The following CELF5 variants were observed in gnomAD, a reference collection of about 807,000 sequenced individuals.
CELF5 encodes CUGBP Elav-like family member 5, also known as CUG-BP and ETR-3 like factor 5.
A neutral mutation model predicts 54.9 loss-of-function variants in CELF5; 6 were observed. The observed-to-expected ratio is 0.11, with a 90% CI of 0.06 to 0.22. The LOEUF (loss-of-function observed/expected upper bound fraction) is 0.22. Among genes scored for constraint, CELF5 ranks in the 10% least tolerant of loss-of-function variants. The pLI is 1.00. For missense variants in CELF5, 401 were observed against 678.6 expected (o/e 0.59, Z 4.54); for synonymous variants, 271 against 290.9 (o/e 0.93, Z 0.70).
In CELF5 at chr19:3,282,602, A is replaced by G. The variant is rs2080171787; in HGVS notation, c.1039+104A>G. On this transcript the variant is annotated intron_variant, in intron 8 of 12. Transcript: ENST00000292672. This position sits in a 1 kb window ranked among gnomAD's most constrained non-coding sequence, Gnocchi z 5.2. ...TACATCACAGTGCCCAGGGAACAGAAGGGCAGGAAAAAGGGTGTCTCCGCT... is the reference window on the plus strand; with the variant it reads ...TACATCACAGTGCCCAGGGAACAGAGGGGCAGGAAAAAGGGTGTCTCCGCT... 1.5e-6 allele frequency: 2 copies of G among 1,344,584 alleles called. No homozygotes were observed. Among genetic ancestry groups the G allele is most frequent in the Non-Finnish European group, 1.0e-6 (1 of 990,216 alleles). The allele number at this position is 1,344,584 out of a possible 1,614,324, so 83.3% of individuals were successfully genotyped here. A position where few individuals can be genotyped will look rare whatever the true frequency, so the allele number is the denominator to read the frequency against.
intron 2 of CELF5, among the ~76,000 whole-genome samples, chr19:3,258,451 G>A (rs2079762260): frequency 6.6e-6 from 1 of 151,712 alleles, no homozygotes; most frequent in Non-Finnish European, 1.5e-5. Context: ...TTTTCTCTTA[G>A]AAGGACACTT....
At chr19:3,290,605 C>T (rs530559950) in intron 11 of CELF5, among the ~76,000 whole-genome samples, 1 of 149,032 alleles carries the variant, frequency 6.7e-6, no homozygotes, top group African/African-American at 2.5e-5. Context: ...GCTCTGTCGC[C>T]CAGGCTGGAG....
chr19:3,264,501 G>T (rs1212328178), intron 2 of CELF5, among the ~76,000 whole-genome samples: 4 of 146,080 alleles, frequency 2.7e-5, no homozygotes, highest in African/African-American at 7.7e-5. Flanking sequence ...CTGCAAGCTT[G>T]GCCTCCCGGG....
chr19:3,289,698 A>C (rs2080311352), intron 10 of CELF5, among the ~76,000 whole-genome samples: 7 of 121,652 alleles, frequency 5.8e-5, no homozygotes, highest in Admixed American at 5.6e-4. Flanking sequence ...AAAAAAAAAA[A>C]AAAAAAAAAA....
intron 1 of CELF5, among the ~76,000 whole-genome samples, chr19:3,249,754 C>T (rs2079622402): frequency 6.6e-6 from 1 of 152,246 alleles, no homozygotes; most frequent in Non-Finnish European, 1.5e-5. Flanking sequence ...TCCCCTCTCC[C>T]TCTGATAGGG....
chr19:3,244,448 CTG>C (rs1445746876), intron 1 of CELF5, among the ~76,000 whole-genome samples: 4 of 124,738 alleles, frequency 3.2e-5, no homozygotes, highest in Non-Finnish European at 6.8e-5. Flanking sequence ...GCATGCATCT[CTG>C]TGTGTAGTGT....
rs769588990 is a variant in CELF5, at chr19:3,224,778, G to A, written c.39G>A (p.Gln13=). 9 of 1,471,694 alleles carry A rather than the reference G, an allele frequency of 6.1e-6. No individual in the cohort carries two copies. In the South Asian group the frequency reaches 7.9e-5, roughly 13 times the overall value. 91.2% of individuals were successfully genotyped at this position (1,471,694 alleles called of 1,614,324 possible). The change falls in exon 1 of 13, where the codon CAG becomes CAA. Residue 13 remains glutamine, a synonymous_variant. Transcript: ENST00000292672. ...CGGAGAGCGAGGCGCGCCGGCAGCA[G>A]CAGCAGCTCCTGCAGCCGCGGCCCT... ...RLTESEARRQ[Q]QQLLQPRPSP...
Position 3,286,374 on chromosome 19 carries a change from C to G in CELF5, c.1186+349C>G, listed in dbSNP as rs540291491. The G allele has an allele frequency of 1.4e-5, 4 of 277,354 alleles. No individual in the cohort carries two copies. In the Admixed American group the frequency reaches 1.6e-4, roughly 11 times the overall value. The allele number at this position is 277,354 out of a possible 1,614,324, so 17.2% of individuals were successfully genotyped here. A position where few individuals can be genotyped will look rare whatever the true frequency, so the allele number is the denominator to read the frequency against. On this transcript the variant is annotated intron_variant, in intron 10 of 12. Coordinates refer to ENST00000292672, the MANE Select transcript of CELF5 (RefSeq NM_021938.4). ...TGAGGTATCAGGTAATGAGGCCTCC[C>G]CAGTAAAGCCAAGGCTGTCGAAGGA...
intron 5 of CELF5, among the ~76,000 whole-genome samples, chr19:3,280,414 T>TA (rs571919304): frequency 0.026 from 3,725 of 144,886 alleles, 148 homozygotes; most frequent in African/African-American, 0.087. Flanking sequence ...CTACTAAAAA[T>TA]AAAAAAAAAA....
At chr19:3,250,557 C>T (rs1245029065) in intron 1 of CELF5, among the ~76,000 whole-genome samples, 2 of 152,166 alleles carry the variant, frequency 1.3e-5, no homozygotes. Context: ...GGTTGTGCAA[C>T]CATCACCACC....
intron 11 of CELF5, among the ~76,000 whole-genome samples, chr19:3,291,388 C>T (rs1385139217): frequency 6.6e-6 from 1 of 151,720 alleles, no homozygotes. Context: ...CACAGTGAAA[C>T]CCCCATCTCT....
Position 3,281,508 on chromosome 19 carries a change from C to T in CELF5, c.750+163C>T, listed in dbSNP as rs1357740680. On this transcript the variant is annotated intron_variant, in intron 6 of 12. Transcript: ENST00000292672. The surrounding 1 kb of genome is among the most constrained non-coding windows in gnomAD (Gnocchi z 6.5). ...ATTGAGACCAAGCTCAGACCGAGCC[C>T]CTAAATCCAGAAGACTGAGCCCTAA... Among the ~76,000 whole-genome samples the T allele has an allele frequency of 1.3e-5, 2 of 152,154 alleles. No individual in the cohort carries two copies. Among genetic ancestry groups the T allele is most frequent in the Non-Finnish European group, 2.9e-5 (2 of 68,026 alleles).
chr19:3,245,380 GTA>G (rs2079552766), intron 1 of CELF5, among the ~76,000 whole-genome samples: 1 of 147,236 alleles, frequency 6.8e-6, no homozygotes, highest in African/African-American at 2.5e-5. Context: ...GCGTGTGTGT[GTA>G]TGCATCTGTG....
chr19:3,286,320 A>G (rs2306689), intron 10 of CELF5: 227,147 of 394,438 alleles, frequency 0.58, 69,179 homozygotes, highest in Middle Eastern at 0.68. Flanking sequence ...TGGAAAGGAA[A>G]CCCTTTTTGA....
rs558183421 is a variant in CELF5 at position 3,281,461 on chromosome 19, C to A, written c.750+116C>A. ...TCCCTGACTCAGGGTCCTCTCCTGG[C>A]GTGGCTGAACCCCAACTCCAAATTG... On this transcript the variant is annotated intron_variant, in intron 6 of 12. Coordinates refer to ENST00000292672, the MANE Select transcript of CELF5 (RefSeq NM_021938.4). The surrounding 1 kb of genome is among the most constrained non-coding windows in gnomAD (Gnocchi z 6.5). 2.5e-6 allele frequency: 3 copies of A among 1,203,386 alleles called. No individual in the cohort carries two copies. The highest frequency in any genetic ancestry group is 1.4e-5 in the South Asian group (1 of 69,410). 74.5% of individuals were successfully genotyped at this position (1,203,386 alleles called of 1,614,324 possible).
rs952425903 is a variant in CELF5, at chr19:3,228,745, G to A, written c.259+3747G>A. 6.6e-6 allele frequency among the ~76,000 whole-genome samples: 1 copy of A among 151,616 alleles called. No homozygotes were observed. Among genetic ancestry groups the A allele is most frequent in the Non-Finnish European group, 1.5e-5 (1 of 67,868 alleles). On this transcript the variant is annotated intron_variant, in intron 1 of 12. Transcript: ENST00000292672. This position sits in a 1 kb window ranked among gnomAD's most constrained non-coding sequence, Gnocchi z 6.0. ...TGAGCTCTGAGGCGTGAGATTCCGC[G>A]TGTGACGCACCAGCTCCAGGGAGAA...
rs60632293 is a variant in CELF5 at position 3,228,875 on chromosome 19, CGTGTGTGT to C, written c.259+3910_259+3917del. Among the ~76,000 whole-genome samples the C allele has an allele frequency of 1.4e-3, 178 of 124,178 alleles. No individual in the cohort carries two copies. The highest frequency in any genetic ancestry group is 5.1e-3 in the African/African-American group (163 of 31,940). The allele number at this position is 124,178 out of a possible 152,430, so 81.5% of individuals were successfully genotyped here. On this transcript the variant is annotated intron_variant, in intron 1 of 12. Coordinates refer to ENST00000292672, the MANE Select transcript of CELF5 (RefSeq NM_021938.4). This position sits in a 1 kb window ranked among gnomAD's most constrained non-coding sequence, Gnocchi z 6.0. ...GGGGGTGGCTGGCAGGGTTGGCCGG[CGTGTGTGT>C]GTGTGTGTGTGTGTGTGTGTGTGTG...
intron 8 of CELF5, among the ~76,000 whole-genome samples, chr19:3,284,523 G>A (rs1453211171): frequency 6.6e-6 from 1 of 152,116 alleles, no homozygotes; most frequent in Admixed American, 6.6e-5. Flanking sequence ...AGAGGGAGAC[G>A]GGGCAGGGGA....
intron 2 of CELF5, among the ~76,000 whole-genome samples, chr19:3,270,444 G>A (rs1266235015): frequency 6.6e-6 from 1 of 151,748 alleles, no homozygotes; most frequent in African/African-American, 2.4e-5. Flanking sequence ...ACGGGCAGGG[G>A]CGACAGGAGG....
Sources: allele counts gnomAD v4.1 joint callset (sites outside exome capture counted in the v4.1 genomes callset), GRCh38; gene constraint gnomAD v4.1.1; non-coding constraint Gnocchi (gnomAD v3.1); transcripts MANE v1.5; gene names NCBI Gene and HGNC (gene_info 2026-07-23, HGNC 2026-07-21).